The following LPCAT2 variants were observed in gnomAD, a reference collection of about 807,000 sequenced individuals.
The protein encoded by LPCAT2 is 1-AGP acyltransferase 11.
In LPCAT2, 58 loss-of-function variants were observed where a neutral mutation model predicts 64.7. That is an observed-to-expected ratio of 0.90 (90% CI 0.73 to 1.12). The LOEUF (loss-of-function observed/expected upper bound fraction) is 1.12, where lower values mean the gene tolerates loss of function less well. LPCAT2 is among the 50% of genes most tolerant of loss of function. The pLI is 0.00. For missense variants in LPCAT2, 579 were observed against 669.8 expected (o/e 0.86, Z 1.50); for synonymous variants, 252 against 245.3 (o/e 1.03, Z -0.26).
At chr16:55,524,285 T>C (rs994820114) in intron 1 of LPCAT2, among the ~76,000 whole-genome samples, 19 of 151,868 alleles carry the variant, frequency 1.3e-4, no homozygotes, top group African/African-American at 4.6e-4. Flanking sequence ...AAAAACATAG[T>C]GGAATAAAAA....
chr16:55,561,562 G>A (rs1348234258), intron 11 of LPCAT2, among the ~76,000 whole-genome samples: 2 of 122,874 alleles, frequency 1.6e-5, no homozygotes, highest in East Asian at 2.4e-4. Flanking sequence ...CCATCTTCAC[G>A]GAAAATAAAT....
At chr16:55,524,819 C>T (rs1330855289) in intron 1 of LPCAT2, among the ~76,000 whole-genome samples, 2 of 151,944 alleles carry the variant, frequency 1.3e-5, no homozygotes, top group Non-Finnish European at 2.9e-5. Context: ...TGATCTTAAG[C>T]AATTTAACTC....
chr16:55,583,111 C>G lies in LPCAT2; in HGVS notation c.*13C>G. ...AAAAGATGACTGAAAGCAGTATTTC[C>G]AATAAGGAAAACACAGTAGCTTTTG... On this transcript the variant is annotated 3_prime_UTR_variant, in exon 14 of 14. Coordinates refer to ENST00000262134, the MANE Select transcript of LPCAT2 (RefSeq NM_017839.5). The G allele has an allele frequency of 6.2e-7, 1 of 1,603,020 alleles. No homozygotes were observed. The highest frequency in any genetic ancestry group is 8.5e-7 in the Non-Finnish European group (1 of 1,172,876).
rs541410526 is a variant in LPCAT2 at position 55,566,821 on chromosome 16, T to G, written c.1216-7810T>G. 3.7e-6 allele frequency: 6 copies of G among 1,613,736 alleles called. No individual in the cohort carries two copies. In the East Asian group the frequency reaches 1.1e-4, roughly 30 times the overall value. On this transcript the variant is annotated intron_variant, in intron 11 of 13. Coordinates refer to ENST00000262134, the MANE Select transcript of LPCAT2 (RefSeq NM_017839.5). ...GGTCTTGGAGAAGCTCTTGGAGGCC[T>G]CTTTGGAGGAGGTGGTCAGAGAAGA...
At chr16:55,542,849 G>A (rs534666473) in intron 8 of LPCAT2, among the ~76,000 whole-genome samples, 2 of 152,074 alleles carry the variant, frequency 1.3e-5, no homozygotes, top group Non-Finnish European at 2.9e-5. Context: ...CATGGCTGAG[G>A]TAGAGTCTAG....
At chr16:55,559,253 A>G (rs1181744501) in intron 11 of LPCAT2, among the ~76,000 whole-genome samples, 4 of 152,196 alleles carry the variant, frequency 2.6e-5, no homozygotes, top group African/African-American at 9.6e-5. Flanking sequence ...TCTGCTCCTA[A>G]CAAGTACTTA....
At chr16:55,545,574 A>G in intron 8 of LPCAT2, 161 bp from the exon 9 acceptor site, 1 of 512,408 alleles carries the variant, frequency 2.0e-6, no homozygotes, top group South Asian at 3.6e-5. Context: ...GGGCTTAGAA[A>G]CAGATCTCCT....
intron 5 of LPCAT2, chr16:55,532,340 G>GTGAA (rs1453601656): frequency 5.8e-6 from 1 of 173,654 alleles, no homozygotes; most frequent in African/African-American, 2.4e-5. Context: ...TTAGAAGTCA[G>GTGAA]TGAATGCAGC....
chr16:55,516,779 C>T (rs1236091100), intron 1 of LPCAT2, among the ~76,000 whole-genome samples: 2 of 152,064 alleles, frequency 1.3e-5, no homozygotes, highest in African/African-American at 4.8e-5. Context: ...ACACTATAAA[C>T]AGACTAGATC....
At chr16:55,534,901 G>A (rs1426666683) in intron 7 of LPCAT2, among the ~76,000 whole-genome samples, 1 of 152,098 alleles carries the variant, frequency 6.6e-6, no homozygotes, top group African/African-American at 2.4e-5. Context: ...GCTATGATGT[G>A]TCTGATATGA....
chr16:55,556,235 C>A (rs1963572837), intron 11 of LPCAT2, among the ~76,000 whole-genome samples: 1 of 151,998 alleles, frequency 6.6e-6, no homozygotes, highest in African/African-American at 2.4e-5. Context: ...AGAAACCATG[C>A]AAGTAATTTT....
At chr16:55,528,333 C>T (rs770871797) in intron 2 of LPCAT2, 44 bp from the exon 3 acceptor site, 3 of 1,499,040 alleles carry the variant, frequency 2.0e-6, no homozygotes, top group South Asian at 2.3e-5. Context: ...CTGCTGCTAG[C>T]TTTAATTAAC....
chr16:55,544,184 A>G (rs1051717919), intron 8 of LPCAT2, among the ~76,000 whole-genome samples: 5 of 152,166 alleles, frequency 3.3e-5, no homozygotes, highest in Non-Finnish European at 1.5e-5. Context: ...TGAGATACCA[A>G]TGCTTACAGT....
chr16:55,568,435 A>T (rs1270249678), intron 11 of LPCAT2, among the ~76,000 whole-genome samples: 3 of 152,216 alleles, frequency 2.0e-5, no homozygotes, highest in East Asian at 3.9e-4. Flanking sequence ...AAAGAAAAAC[A>T]CATGAACAGT....
At chr16:55,518,964 T>C (rs1963053229) in intron 1 of LPCAT2, among the ~76,000 whole-genome samples, 2 of 152,108 alleles carry the variant, frequency 1.3e-5, no homozygotes, top group Admixed American at 6.5e-5. Context: ...TGATTCAAAG[T>C]ACACTACCAT....
chr16:55,565,459 C>T (rs1963684050), intron 11 of LPCAT2, among the ~76,000 whole-genome samples: 1 of 152,016 alleles, frequency 6.6e-6, no homozygotes, highest in Admixed American at 6.6e-5. Context: ...CCCAAGTATT[C>T]ACCAATGGGA....
chr16:55,543,773 A>T (rs550790559), intron 8 of LPCAT2, among the ~76,000 whole-genome samples: 1 of 152,194 alleles, frequency 6.6e-6, no homozygotes, highest in Admixed American at 6.5e-5. Flanking sequence ...AAATTTTTTC[A>T]TTTGACAGGA....
At position 55,517,141 on chromosome 16, in the gene LPCAT2, GA is replaced by G. The variant is rs1963024529; in HGVS notation, c.171+7791del. 4.0e-5 allele frequency among the ~76,000 whole-genome samples: 6 copies of G among 151,478 alleles called. No homozygotes were observed. The South Asian group carries it at 1.3e-3, about 32-fold the overall frequency. ...TGCACTGACCAAGAAAAAAATGAAA[GA>G]AGACTCAAATTAAGAGAGGACAATA... On this transcript the variant is annotated intron_variant, in intron 1 of 13. Coordinates refer to ENST00000262134, the MANE Select transcript of LPCAT2 (RefSeq NM_017839.5).
At chr16:55,509,885 C>A (rs946760655) in intron 1 of LPCAT2, among the ~76,000 whole-genome samples, 1 of 151,494 alleles carries the variant, frequency 6.6e-6, no homozygotes, top group African/African-American at 2.4e-5. Context: ...ATTCCATGCC[C>A]CAGAAGGTTG....
Sources: allele counts gnomAD v4.1 joint callset (sites outside exome capture counted in the v4.1 genomes callset), GRCh38; gene constraint gnomAD v4.1.1; transcripts MANE v1.5; gene names NCBI Gene and HGNC (gene_info 2026-07-23, HGNC 2026-07-21).